Variants in TLN2 observed in about 807,000 individuals in gnomAD.
The protein encoded by TLN2 is talin 2, also known as talin-2.
In TLN2, 118 loss-of-function variants were observed where a neutral mutation model predicts 294.7. The ratio of observed to expected loss-of-function variants is 0.40; its 90% CI spans 0.34 to 0.47. TLN2 has a LOEUF of 0.47. TLN2 is among the 20% of genes least tolerant of loss of function. The probability of loss-of-function intolerance (pLI) is 0.84; values close to 1 mark genes in which losing one functional copy is unlikely to be tolerated. For missense variants in TLN2, 3,083 were observed against 3,282.2 expected, an observed-to-expected ratio of 0.94 and a Z score of 1.48; for synonymous variants, 1,431 against 1,304.5, an observed-to-expected ratio of 1.10 and a Z score of -2.09.
chr15:62,689,129 G>T (rs1190513760), intron 12 of TLN2, among the ~76,000 whole-genome samples: 1 of 95,148 alleles, frequency 1.1e-5, no homozygotes, highest in Non-Finnish European at 2.2e-5. Context: ...GAGTTTGTTT[G>T]CTTTGTGTGT....
Position 62,426,050 on chromosome 15 carries a change from C to T in TLN2, c.-238+35365C>T, listed in dbSNP as rs192141849. ...AGTTGGTTATGGGAACTGCTTTTCT[C>T]CAATGCCAGGAAAGCCTCTACTAAG... On this transcript the variant is annotated intron_variant, in intron 1 of 58. Transcript: ENST00000636159. 5.8e-3 allele frequency among the ~76,000 whole-genome samples: 886 copies of T among 152,282 alleles called. 5 individuals carry two copies. Among genetic ancestry groups the T allele is most frequent in the Non-Finnish European group, 8.0e-3 (541 of 68,030 alleles).
intron 1 of TLN2, among the ~76,000 whole-genome samples, chr15:62,585,088 G>T (rs28589372): frequency 1.3e-5 from 2 of 152,158 alleles, no homozygotes; most frequent in African/African-American, 4.8e-5. Flanking sequence ...GATGACAAAT[G>T]GGTTCTTGGC....
chr15:62,729,939 A>G (rs745880157), intron 28 of TLN2, among the ~76,000 whole-genome samples: 3 of 151,950 alleles, frequency 2.0e-5, no homozygotes, highest in Non-Finnish European at 4.4e-5. Flanking sequence ...CTTTAAATCT[A>G]AGTTACTCTG....
intron 45 of TLN2, among the ~76,000 whole-genome samples, chr15:62,788,121 G>A (rs1194121707): frequency 6.6e-6 from 1 of 151,546 alleles, no homozygotes; most frequent in Non-Finnish European, 1.5e-5. Context: ...GACCAGCCTG[G>A]GCAACATGGC....
At chr15:62,558,219 G>A (rs2042712430) in intron 1 of TLN2, among the ~76,000 whole-genome samples, 1 of 152,092 alleles carries the variant, frequency 6.6e-6, no homozygotes, top group African/African-American at 2.4e-5. Context: ...CATTTCTCAA[G>A]GAAAATTTTC....
intron 1 of TLN2, among the ~76,000 whole-genome samples, chr15:62,464,153 G>A (rs1386785188): frequency 1.3e-5 from 2 of 152,188 alleles, no homozygotes; most frequent in East Asian, 3.9e-4. Context: ...ATTCACAATA[G>A]CAAAGACTTG....
At chr15:62,674,332 C>T (rs1172540135) in intron 10 of TLN2, among the ~76,000 whole-genome samples, 2 of 152,152 alleles carry the variant, frequency 1.3e-5, no homozygotes, top group Admixed American at 1.3e-4. Context: ...AAAGCCTTAA[C>T]ACAAACTTTG....
intron 28 of TLN2, among the ~76,000 whole-genome samples, chr15:62,735,213 G>A (rs1445373220): frequency 6.6e-6 from 1 of 152,194 alleles, no homozygotes; most frequent in Admixed American, 6.5e-5. Context: ...TTCATGAGAT[G>A]AGCTCTAGGG....
At chr15:62,426,696 G>T (rs1395266621) in intron 1 of TLN2, among the ~76,000 whole-genome samples, 1 of 152,204 alleles carries the variant, frequency 6.6e-6, no homozygotes, top group East Asian at 1.9e-4. Context: ...GTGGTTTCTA[G>T]TTGGTCCAAA....
intron 1 of TLN2, among the ~76,000 whole-genome samples, chr15:62,467,548 C>T (rs988608293): frequency 3.3e-5 from 5 of 152,050 alleles, no homozygotes; most frequent in Non-Finnish European, 5.9e-5. Flanking sequence ...CGAAATTAGC[C>T]GTGCATGGTG....
At chr15:62,604,086 T>C (rs1719927677) in intron 2 of TLN2, among the ~76,000 whole-genome samples, 1 of 152,206 alleles carries the variant, frequency 6.6e-6, no homozygotes, top group Non-Finnish European at 1.5e-5. Context: ...TCATGAAATA[T>C]AATTCATTTG....
chr15:62,768,077 T>C (rs569024405), intron 41 of TLN2, among the ~76,000 whole-genome samples: 6 of 152,114 alleles, frequency 3.9e-5, no homozygotes, highest in African/African-American at 1.4e-4. Context: ...GGACTGGGAG[T>C]TCACACCCAC....
Position 62,717,655 on chromosome 15 carries a change from C to T in TLN2, c.2843C>T (p.Pro948Leu). ...SQNAAVSNKNPAAQQQLVQSC... is the reference protein window; with the variant it reads ...SQNAAVSNKNLAAQQQLVQSC... ...AATGCAGCTGTTTCCAACAAGAACCCTGCGGCCCAGCAGCAGCTGGTCCAG... is the reference window on the plus strand; with the variant it reads ...AATGCAGCTGTTTCCAACAAGAACCTTGCGGCCCAGCAGCAGCTGGTCCAG... The change falls in exon 24 of 59, where the codon CCT becomes CTT. Residue 948 changes from proline to leucine, a missense_variant. Transcript: ENST00000636159. 6.2e-7 allele frequency: 1 copy of T among 1,603,602 alleles called. No homozygotes were observed. The highest frequency in any genetic ancestry group is 8.5e-7 in the Non-Finnish European group (1 of 1,175,694).
Position 62,755,619 on chromosome 15 carries a change from G to A in TLN2, c.4564G>A (p.Val1522Ile), listed in dbSNP as rs1042532320. ...CGCCTCATCCAAGACGGCCAACCCA[G>A]TAGCCAAGAGGCACTTCGTCCAGTC... ...RIASSKTANP[V>I]AKRHFVQSAK... Residue 1522 changes from valine to isoleucine, a missense_variant, in exon 37 of 59, where the codon GTA (valine) becomes ATA (isoleucine). Physicochemically the swap from Val to Ile is conservative, Grantham distance 29. Transcript: ENST00000636159. The A allele has an allele frequency of 6.2e-7, 1 of 1,614,222 alleles. No individual in the cohort carries two copies. Among genetic ancestry groups the A allele is most frequent in the South Asian group, 1.1e-5 (1 of 91,080 alleles).
intron 1 of TLN2, among the ~76,000 whole-genome samples, chr15:62,464,573 TAA>T (rs548638657): frequency 2.7e-4 from 39 of 147,048 alleles, no homozygotes; most frequent in African/African-American, 8.2e-4. Flanking sequence ...AAAGTATATT[TAA>T]AAAAAAAAAA....
At chr15:62,430,807 A>G (rs2034971474) in intron 1 of TLN2, among the ~76,000 whole-genome samples, 1 of 152,140 alleles carries the variant, frequency 6.6e-6, no homozygotes, top group Non-Finnish European at 1.5e-5. Flanking sequence ...AAGTGTGAGT[A>G]ATTCAGGATA....
chr15:62,503,768 T>C (rs1357374279), intron 1 of TLN2, among the ~76,000 whole-genome samples: 1 of 152,218 alleles, frequency 6.6e-6, no homozygotes, highest in African/African-American at 2.4e-5. Context: ...TTCTCATTCC[T>C]CTCCGTTCTG....
At chr15:62,569,064 C>G (rs1397158819) in intron 1 of TLN2, among the ~76,000 whole-genome samples, 1 of 152,142 alleles carries the variant, frequency 6.6e-6, no homozygotes, top group Non-Finnish European at 1.5e-5. Context: ...GGCTCCATGC[C>G]TTCCTCGTCT....
intron 41 of TLN2, among the ~76,000 whole-genome samples, chr15:62,767,112 G>T (rs2063055158): frequency 6.6e-6 from 1 of 152,184 alleles, no homozygotes; most frequent in Admixed American, 6.5e-5. Flanking sequence ...GCAGCTATCA[G>T]TATAGATGTA....
Sources: allele counts gnomAD v4.1 joint callset (sites outside exome capture counted in the v4.1 genomes callset), GRCh38; gene constraint gnomAD v4.1.1; transcripts MANE v1.5; gene names NCBI Gene and HGNC (gene_info 2026-07-23, HGNC 2026-07-21).